TBC1D22A: variants seen among roughly 807,000 people sequenced by gnomAD.
TBC1D22A encodes TBC1 domain family member 22A.
Under a neutral mutation model 60.2 loss-of-function variants are expected in TBC1D22A, and 38 were observed. The observed-to-expected ratio is 0.63, with a 90% CI of 0.49 to 0.83. The LOEUF (loss-of-function observed/expected upper bound fraction) is 0.83. Ranked by LOEUF, TBC1D22A falls within the 40% of genes least tolerant of loss-of-function variation. The pLI is 0.00. For synonymous variants in TBC1D22A, 302 were observed against 281.7 expected, an observed-to-expected ratio of 1.07 and a Z score of -0.72; for missense variants, 628 against 701.0, an observed-to-expected ratio of 0.90 and a Z score of 1.18.
chr22:47,075,599 GA>G (rs1388906300), intron 11 of TBC1D22A, among the ~76,000 whole-genome samples: 4 of 152,072 alleles, frequency 2.6e-5, no homozygotes, highest in Admixed American at 2.0e-4. Flanking sequence ...GAGAGAGGAA[GA>G]AAACCTTGAT....
At chr22:47,138,324 A>G (rs374272814) in intron 12 of TBC1D22A, among the ~76,000 whole-genome samples, 2 of 152,324 alleles carry the variant, frequency 1.3e-5, no homozygotes, top group African/African-American at 4.8e-5. Context: ...GGGGACAGGG[A>G]GGACCGTGGA....
At chr22:46,775,230 C>T (rs926788463) in intron 1 of TBC1D22A, among the ~76,000 whole-genome samples, 3 of 152,330 alleles carry the variant, frequency 2.0e-5, no homozygotes, top group Admixed American at 1.3e-4. Context: ...TTGGTGCACC[C>T]GCTGCCCTTG....
At chr22:46,954,025 C>A (rs556917389) in intron 8 of TBC1D22A, among the ~76,000 whole-genome samples, 4 of 152,270 alleles carry the variant, frequency 2.6e-5, no homozygotes, top group African/African-American at 7.2e-5. Flanking sequence ...ATCTTAACCA[C>A]TTTATTGAAT....
At chr22:47,098,915 G>T (rs777564310) in intron 11 of TBC1D22A, among the ~76,000 whole-genome samples, 1 of 152,190 alleles carries the variant, frequency 6.6e-6, no homozygotes, top group Non-Finnish European at 1.5e-5. Context: ...GCCTGCAGGC[G>T]TAGGGGGCAG....
At chr22:47,160,313 G>C (rs1218175046) in intron 12 of TBC1D22A, among the ~76,000 whole-genome samples, 2 of 152,242 alleles carry the variant, frequency 1.3e-5, no homozygotes, top group African/African-American at 4.8e-5. Context: ...GGTTCCGTGT[G>C]AGGGGCCCTC....
At chr22:47,014,445 G>T (rs139966518) in intron 10 of TBC1D22A, among the ~76,000 whole-genome samples, 1 of 152,182 alleles carries the variant, frequency 6.6e-6, no homozygotes, top group African/African-American at 2.4e-5. Flanking sequence ...TGGACATGCC[G>T]TGAGTGTGCT....
chr22:46,786,400 T>A (rs1001772373), intron 1 of TBC1D22A, among the ~76,000 whole-genome samples: 1 of 152,206 alleles, frequency 6.6e-6, no homozygotes, highest in African/African-American at 2.4e-5. Context: ...TTATGTGTTG[T>A]TGGATTTGGT....
At chr22:47,156,829 C>G (rs953974013) in intron 12 of TBC1D22A, among the ~76,000 whole-genome samples, 1 of 152,180 alleles carries the variant, frequency 6.6e-6, no homozygotes, top group Non-Finnish European at 1.5e-5. Context: ...CACTGCTGCC[C>G]GCGCCGACCA....
At chr22:47,145,638 C>T (rs1206791811) in intron 12 of TBC1D22A, among the ~76,000 whole-genome samples, 1 of 152,192 alleles carries the variant, frequency 6.6e-6, no homozygotes, top group Non-Finnish European at 1.5e-5. Context: ...GAGAGGTATT[C>T]TTGTTTTAGA....
At chr22:47,100,732 G>A (rs556934745) in intron 11 of TBC1D22A, among the ~76,000 whole-genome samples, 14 of 152,262 alleles carry the variant, frequency 9.2e-5, no homozygotes, top group African/African-American at 1.7e-4. Flanking sequence ...CTGTAAATCC[G>A]ATTAAACCTC....
chr22:46,997,298 G>A (rs1275486248), intron 9 of TBC1D22A, among the ~76,000 whole-genome samples: 2 of 152,188 alleles, frequency 1.3e-5, no homozygotes, highest in East Asian at 3.9e-4. Context: ...CCCACAGACG[G>A]TTCTGGTCAA....
intron 8 of TBC1D22A, among the ~76,000 whole-genome samples, chr22:46,918,917 T>C (rs528102154): frequency 6.6e-6 from 1 of 152,248 alleles, no homozygotes; most frequent in African/African-American, 2.4e-5. Flanking sequence ...GCAGTCACCG[T>C]TCTCCTTCCT....
intron 4 of TBC1D22A, among the ~76,000 whole-genome samples, chr22:46,838,079 T>A (rs912678515): frequency 3.3e-5 from 5 of 151,810 alleles, no homozygotes; most frequent in Admixed American, 3.3e-4. Context: ...AAGTTGCAAA[T>A]AAACAGCCCA....
At chr22:47,142,097 A>G (rs1368383273) in intron 12 of TBC1D22A, among the ~76,000 whole-genome samples, 1 of 152,150 alleles carries the variant, frequency 6.6e-6, no homozygotes, top group African/African-American at 2.4e-5. Context: ...AGCTCCTCAT[A>G]GGACTAGCTC....
At chr22:47,036,929 TC>T in intron 10 of TBC1D22A, 141 bp from the exon 11 acceptor site, 2 of 888,920 alleles carry the variant, frequency 2.2e-6, no homozygotes, top group Non-Finnish European at 3.4e-6. Context: ...AGTTCTTTGC[TC>T]CTTGGGGGTT....
At chr22:46,805,262 C>T (rs2085078333) in intron 4 of TBC1D22A, among the ~76,000 whole-genome samples, 1 of 152,248 alleles carries the variant, frequency 6.6e-6, no homozygotes, top group Non-Finnish European at 1.5e-5. Flanking sequence ...CTCTCCTACC[C>T]TGTGTTCTTC....
intron 12 of TBC1D22A, among the ~76,000 whole-genome samples, chr22:47,148,329 A>G (rs2067362755): frequency 1.1e-5 from 1 of 93,896 alleles, no homozygotes; most frequent in African/African-American, 4.4e-5. Flanking sequence ...GAGAAACCCA[A>G]AAGATGTAAA....
rs576662598 is a variant in TBC1D22A, at chr22:46,825,976, G to A, written c.637+28356G>A. Reference sequence around the variant, plus strand: ...CGGCTTACTGCAAGCTCCATCTCCCGGGTTCACGCCATTCTCCTGCCTCAG... The same window carrying A: ...CGGCTTACTGCAAGCTCCATCTCCCAGGTTCACGCCATTCTCCTGCCTCAG... On this transcript the variant is annotated intron_variant, in intron 4 of 12. Coordinates refer to ENST00000337137, the MANE Select transcript of TBC1D22A (RefSeq NM_014346.5). 1.9e-4 allele frequency among the ~76,000 whole-genome samples: 28 copies of A among 148,358 alleles called. No homozygotes were observed. The South Asian group carries it at 5.0e-3, about 26-fold the overall frequency.
intron 8 of TBC1D22A, among the ~76,000 whole-genome samples, chr22:46,971,987 C>T (rs1222875324): frequency 6.6e-6 from 1 of 152,182 alleles, no homozygotes; most frequent in African/African-American, 2.4e-5. Flanking sequence ...CATGGGCACA[C>T]CCGGCTGGGA....
Sources: gnomAD v4.1 joint callset for allele counts (sites outside exome capture counted in the v4.1 genomes callset) on GRCh38, gnomAD v4.1.1 for gene constraint, MANE v1.5 for transcripts, NCBI Gene and HGNC (gene_info 2026-07-23, HGNC 2026-07-21) for gene names.